Variants in ATXN2 observed in about 807,000 individuals in gnomAD.
ATXN2 encodes the protein ataxin-2.
A neutral mutation model predicts 138.6 loss-of-function variants in ATXN2; 37 were observed. The ratio of observed to expected loss-of-function variants is 0.27; its 90% CI spans 0.21 to 0.35. ATXN2 has a LOEUF of 0.35. Ranked by LOEUF, ATXN2 falls within the 10% of genes least tolerant of loss-of-function variation. ATXN2 has a pLI of 1.00. For missense variants in ATXN2, 1,216 were observed against 1,480.3 expected (o/e 0.82, Z 2.93); for synonymous variants, 549 against 543.7 (o/e 1.01, Z -0.13).
At chr12:111,593,420 A>G (rs1400714211) in intron 1 of ATXN2, among the ~76,000 whole-genome samples, 2 of 152,090 alleles carry the variant, frequency 1.3e-5, no homozygotes, top group South Asian at 4.1e-4. Context: ...AAGTCAAAAT[A>G]TATGGCTATT....
intron 15 of ATXN2, among the ~76,000 whole-genome samples, chr12:111,487,193 C>T (rs1385821186): frequency 1.3e-5 from 2 of 151,978 alleles, no homozygotes; most frequent in African/African-American, 2.4e-5. Flanking sequence ...ATTCTCTTGC[C>T]TTAGCCTCCT....
intron 18 of ATXN2, among the ~76,000 whole-genome samples, chr12:111,478,280 C>T (rs1185785315): frequency 1.3e-5 from 2 of 152,086 alleles, no homozygotes; most frequent in East Asian, 3.9e-4. Context: ...GTGGCGCATG[C>T]CTGTAATCCC....
intron 18 of ATXN2, among the ~76,000 whole-genome samples, chr12:111,474,615 A>G (rs1224783685): frequency 6.6e-6 from 1 of 151,976 alleles, no homozygotes. Context: ...CAAAAACAAA[A>G]AACAAAACCA....
chr12:111,576,345 G>GA (rs1353083704), intron 1 of ATXN2, among the ~76,000 whole-genome samples: 1 of 152,004 alleles, frequency 6.6e-6, no homozygotes, highest in East Asian at 1.9e-4. Flanking sequence ...TTGGGAGGCT[G>GA]AATCACCTGA....
rs902831018 is a variant in ATXN2, at chr12:111,552,491, T to C, written c.421-61A>G. 4 of 1,528,078 alleles carry C rather than the reference T, an allele frequency of 2.6e-6. No individual in the cohort carries two copies. The highest frequency in any genetic ancestry group is 3.5e-6 in the Non-Finnish European group (4 of 1,140,018). The allele number at this position is 1,528,078 out of a possible 1,614,324, so 94.7% of individuals were successfully genotyped here. A position where few individuals can be genotyped will look rare whatever the true frequency, so the allele number is the denominator to read the frequency against. ...TTACAAAATAAAATTTGTTAGGAAT[T>C]CTTTAGCTCATCAAGGTACCAGTTC... On this transcript the variant is annotated intron_variant, in intron 4 of 24. Coordinates refer to ENST00000673436, the MANE Select transcript of ATXN2 (RefSeq NM_001372574.1). The surrounding 1 kb of genome is among the most constrained non-coding windows in gnomAD (Gnocchi z 4.1).
At chr12:111,522,454 CAA>C (rs1375811047) in intron 6 of ATXN2, among the ~76,000 whole-genome samples, 1 of 151,462 alleles carries the variant, frequency 6.6e-6, no homozygotes, top group African/African-American at 2.4e-5. Flanking sequence ...ACTAAAAATA[CAA>C]AAAATTAGCC....
Position 111,554,205 on chromosome 12 carries a change from C to A in ATXN2, c.301G>T (p.Gly101Ter). 2.1e-6 allele frequency: 3 copies of A among 1,432,218 alleles called. No individual in the cohort carries two copies. The highest frequency in any genetic ancestry group is 1.4e-5 in the South Asian group (1 of 69,920). 88.7% of individuals were successfully genotyped at this position (1,432,218 alleles called of 1,614,324 possible). A position where few individuals can be genotyped will look rare whatever the true frequency, so the allele number is the denominator to read the frequency against. The change falls in exon 3 of 25, where the codon GGA (glycine) becomes TGA (stop). Residue 101 changes from glycine (G) to a stop codon, truncating the protein, a stop_gained. Transcript: ENST00000673436. LOFTEE classifies it high-confidence loss of function. Reference sequence around the variant, plus strand: ...ACCATCCTCATATTTGCATAGATTCCATCAAAAGAAATCTGGAATATTAAA... The same window carrying A: ...ACCATCCTCATATTTGCATAGATTCAATCAAAAGAAATCTGGAATATTAAA... ...GLPQSTISFD[G>*]IYANMRMVHI... is the part of the protein sequence containing the mutation.
intron 5 of ATXN2, among the ~76,000 whole-genome samples, chr12:111,526,563 C>T (rs1300183255): frequency 1.3e-5 from 2 of 151,946 alleles, no homozygotes; most frequent in East Asian, 1.9e-4. Context: ...CACCAACACG[C>T]CCAGCTAATG....
At chr12:111,559,514 C>CTA (rs1433837645) in intron 1 of ATXN2, among the ~76,000 whole-genome samples, 1 of 151,456 alleles carries the variant, frequency 6.6e-6, no homozygotes, top group Non-Finnish European at 1.5e-5. Context: ...TGGCTAAGGC[C>CTA]TGTAATCCCA....
At chr12:111,517,713 T>C (rs1050358623) in intron 9 of ATXN2, among the ~76,000 whole-genome samples, 1 of 152,174 alleles carries the variant, frequency 6.6e-6, no homozygotes, top group Non-Finnish European at 1.5e-5. Flanking sequence ...AGGGTTGTTT[T>C]TGTTGTTTTT....
intron 14 of ATXN2, among the ~76,000 whole-genome samples, chr12:111,491,611 T>C (rs980784714): frequency 7.9e-5 from 12 of 152,210 alleles, no homozygotes; most frequent in South Asian, 6.2e-4. Flanking sequence ...TTCTAGGCCA[T>C]AGCTCCCAGA....
intron 14 of ATXN2, among the ~76,000 whole-genome samples, chr12:111,505,726 C>T (rs926758144): frequency 1.3e-5 from 2 of 152,320 alleles, no homozygotes; most frequent in Non-Finnish European, 2.9e-5. Flanking sequence ...AACAGAAACC[C>T]TCATACCCTG....
chr12:111,470,902 T>A (rs1022273841), intron 18 of ATXN2, 160 bp from the exon 19 acceptor site: 2 of 712,616 alleles, frequency 2.8e-6, no homozygotes, highest in African/African-American at 3.5e-5. Context: ...TATTTTCCTA[T>A]CATGCATGCT....
At chr12:111,526,354 C>CAA (rs111688508) in intron 5 of ATXN2, among the ~76,000 whole-genome samples, 2 of 124,552 alleles carry the variant, frequency 1.6e-5, no homozygotes, top group African/African-American at 3.0e-5. Context: ...GACCCTGTCT[C>CAA]AAAAAAAAAA....
In ATXN2 at chr12:111,552,607, T is replaced by A; in HGVS notation, c.421-177A>T. On this transcript the variant is annotated intron_variant, in intron 4 of 24. Transcript: ENST00000673436. The surrounding 1 kb of genome is among the most constrained non-coding windows in gnomAD (Gnocchi z 4.1). ...TATCCATTCCATCATTTAAAAATCCTCATATCTAAATGTTTTTTGTTTCTA... is the reference window on the plus strand; with the variant it reads ...TATCCATTCCATCATTTAAAAATCCACATATCTAAATGTTTTTTGTTTCTA... 1.5e-6 allele frequency: 1 copy of A among 677,024 alleles called. No individual in the cohort carries two copies. The highest frequency in any genetic ancestry group is 2.5e-5 in the South Asian group (1 of 39,344). 41.9% of individuals were successfully genotyped at this position (677,024 alleles called of 1,614,324 possible). A position where few individuals can be genotyped will look rare whatever the true frequency, so the allele number is the denominator to read the frequency against.
At chr12:111,513,126 C>A (rs986960438) in intron 11 of ATXN2, 31 of 487,380 alleles carry the variant, frequency 6.4e-5, no homozygotes, top group Middle Eastern at 1.1e-3. Flanking sequence ...ATTATTAACA[C>A]TTTACTCACT....
intron 5 of ATXN2, among the ~76,000 whole-genome samples, chr12:111,533,968 C>T (rs1880993582): frequency 6.6e-6 from 1 of 151,318 alleles, no homozygotes; most frequent in South Asian, 2.1e-4. Flanking sequence ...ATGGTAATTA[C>T]AATTTTAATC....
chr12:111,479,850 T>C (rs758591903), intron 18 of ATXN2, among the ~76,000 whole-genome samples: 5 of 122,774 alleles, frequency 4.1e-5, no homozygotes, highest in Non-Finnish European at 6.2e-5. Context: ...TTTGATTCCA[T>C]TTATTAAAAA....
intron 14 of ATXN2, among the ~76,000 whole-genome samples, chr12:111,492,052 T>A (rs1257119199): frequency 6.6e-6 from 1 of 152,098 alleles, no homozygotes; most frequent in Non-Finnish European, 1.5e-5. Context: ...TAAATTAACA[T>A]CAGTGGTGGC....
Sources: allele counts gnomAD v4.1 joint callset (sites outside exome capture counted in the v4.1 genomes callset), GRCh38; gene constraint gnomAD v4.1.1; non-coding constraint Gnocchi (gnomAD v3.1); transcripts MANE v1.5; gene names NCBI Gene and HGNC (gene_info 2026-07-23, HGNC 2026-07-21).